Variants in MON1B observed in about 807,000 individuals in gnomAD.
The protein encoded by MON1B is MON1 vesicular trafficking associated B.
Under a neutral mutation model 45.1 loss-of-function variants are expected in MON1B, and 26 were observed. The observed-to-expected ratio is 0.58, with a 90% confidence interval of 0.42 to 0.80. The LOEUF is 0.80. MON1B is among the 30% of genes least tolerant of loss of function. The pLI, the probability that MON1B is intolerant of heterozygous loss-of-function variation, is 0.00. For synonymous variants in MON1B, 395 were observed against 320.2 expected (o/e 1.23, Z -2.49); for missense variants, 737 against 754.5 (o/e 0.98, Z 0.27).
chr16:77,200,291 T>TATATATACACACAC lies in MON1B; in HGVS notation c.*1984_*1985insTATATACACACACA. On this transcript the variant is annotated 3_prime_UTR_variant, in exon 6 of 6. Transcript: ENST00000248248. ...ATATATGTGTATATATATATATATATACACACACTAATCAGCCGGGCGCGG... is the reference window on the plus strand; with the variant it reads ...ATATATGTGTATATATATATATATATATATATACACACACACACACACTAATCAGCCGGGCGCGG... The TATATATACACACAC allele has an allele frequency of 9.0e-6, 1 of 111,430 alleles. No homozygotes were observed. Among genetic ancestry groups the TATATATACACACAC allele is most frequent in the African/African-American group, 3.4e-5 (1 of 29,728 alleles). 6.9% of individuals were successfully genotyped at this position (111,430 alleles called of 1,614,324 possible).
At position 77,202,385 on chromosome 16, in the gene MON1B, A is replaced by G. The variant is rs2054752150; in HGVS notation, c.*4077A>G. ...ACATCTGCAATTGTTTCAAAATAAA[A>G]TGTTTAAAAGGGTGCTCTTACTGTG... On this transcript the variant is annotated 3_prime_UTR_variant, in exon 6 of 6. Coordinates refer to ENST00000248248, the MANE Select transcript of MON1B (RefSeq NM_014940.4). The G allele has an allele frequency of 6.6e-6, 1 of 152,214 alleles. No homozygotes were observed. Among genetic ancestry groups the G allele is most frequent in the Admixed American group, 6.5e-5 (1 of 15,274 alleles). 9.4% of individuals were successfully genotyped at this position (152,214 alleles called of 1,614,324 possible). A position where few individuals can be genotyped will look rare whatever the true frequency, so the allele number is the denominator to read the frequency against.
At chr16:77,197,590 A>G (rs1000767676) in intron 5 of MON1B, among the ~76,000 whole-genome samples, 3 of 152,132 alleles carry the variant, frequency 2.0e-5, no homozygotes, top group East Asian at 3.9e-4. Context: ...AAGCCTGGCT[A>G]TGTTTGAGGA....
Position 77,191,633 on chromosome 16 carries a change from G to C in MON1B, c.148G>C (p.Gly50Arg). Residue 50 changes from glycine to arginine, a missense_variant and splice_region_variant, in exon 2 of 6, where the codon GGA becomes CGA. Coordinates refer to ENST00000248248, the MANE Select transcript of MON1B (RefSeq NM_014940.4). Reference sequence around the variant, plus strand: ...CGAAGACGAGGGCCTGGAGGAAACAGGTATGACTCCACTTAGTGGGGTCTT... The same window carrying C: ...CGAAGACGAGGGCCTGGAGGAAACACGTATGACTCCACTTAGTGGGGTCTT... ...DPEDEGLEET[G>R]SKDKDQPPSP... The C allele has an allele frequency of 6.2e-7, 1 of 1,610,300 alleles. No homozygotes were observed. The highest frequency in any genetic ancestry group is 8.5e-7 in the Non-Finnish European group (1 of 1,178,824).
Position 77,198,324 on chromosome 16 carries a change from G to C in MON1B, c.*16G>C, listed in dbSNP as rs2054688848. Reference sequence around the variant, plus strand: ...TGGACTCTGATAGTTGGAGCTCCCAGACCAGGCAGTGCTGGGAGCAACCAC... The same window carrying C: ...TGGACTCTGATAGTTGGAGCTCCCACACCAGGCAGTGCTGGGAGCAACCAC... On this transcript the variant is annotated 3_prime_UTR_variant, in exon 6 of 6. Coordinates refer to ENST00000248248, the MANE Select transcript of MON1B (RefSeq NM_014940.4). 2 of 1,611,478 alleles carry C rather than the reference G, an allele frequency of 1.2e-6. No individual in the cohort carries two copies. The highest frequency in any genetic ancestry group is 4.5e-5 in the East Asian group (2 of 44,864).
chr16:77,200,477 C>G lies in MON1B; in HGVS notation c.*2169C>G, dbSNP rs981823858. ...AAAAGAAAAAAAATTCTCCCTTGGCCGGGCTTGGTGGCTTATGCCTGTAAT... is the reference window on the plus strand; with the variant it reads ...AAAAGAAAAAAAATTCTCCCTTGGCGGGGCTTGGTGGCTTATGCCTGTAAT... On this transcript the variant is annotated 3_prime_UTR_variant, in exon 6 of 6. Transcript: ENST00000248248. 3 of 150,388 alleles carry G rather than the reference C, an allele frequency of 2.0e-5. No individual in the cohort carries two copies. Among genetic ancestry groups the G allele is most frequent in the African/African-American group, 7.3e-5 (3 of 40,998 alleles). 9.3% of individuals were successfully genotyped at this position (150,388 alleles called of 1,614,324 possible). A position where few individuals can be genotyped will look rare whatever the true frequency, so the allele number is the denominator to read the frequency against.
rs2142505406 is a variant in MON1B at position 77,199,155 on chromosome 16, C to A, written c.*847C>A. 1 of 386,172 alleles carries A rather than the reference C, an allele frequency of 2.6e-6. No homozygotes were observed. The highest frequency in any genetic ancestry group is 4.4e-5 in the East Asian group (1 of 22,766). The allele number at this position is 386,172 out of a possible 1,614,324, so 23.9% of individuals were successfully genotyped here. A position where few individuals can be genotyped will look rare whatever the true frequency, so the allele number is the denominator to read the frequency against. On this transcript the variant is annotated 3_prime_UTR_variant, in exon 6 of 6. Transcript: ENST00000248248. ...TTGACAACCTGCACAAGACAAGCAG[C>A]CTAAAGCAGGAGAGACCTCCCTAGG...
rs1254014728 is a variant in MON1B, at chr16:77,200,274, G to GTGTATA, written c.*1967_*1968insGTATAT. 1 of 113,568 alleles carries GTGTATA rather than the reference G, an allele frequency of 8.8e-6. No individual in the cohort carries two copies. The highest frequency in any genetic ancestry group is 8.7e-5 in the Admixed American group (1 of 11,508). 7.0% of individuals were successfully genotyped at this position (113,568 alleles called of 1,614,324 possible). ...TATATGTGTATATATATATATATGT[G>GTGTATA]TATATATATATATATATACACACAC... On this transcript the variant is annotated 3_prime_UTR_variant, in exon 6 of 6. Transcript: ENST00000248248.
rs372814782 is a variant in MON1B, at chr16:77,194,929, G to T, written c.1070G>T (p.Arg357Leu). The T allele has an allele frequency of 1.9e-6, 3 of 1,613,582 alleles. No individual in the cohort carries two copies. Among genetic ancestry groups the T allele is most frequent in the African/African-American group, 2.7e-5 (2 of 74,946 alleles). Residue 357 changes from arginine (R) to leucine (L), a missense_variant, in exon 4 of 6, where the codon CGT (arginine) becomes CTT (leucine). Coordinates refer to ENST00000248248, the MANE Select transcript of MON1B (RefSeq NM_014940.4). This position sits in a 1 kb window ranked among gnomAD's most constrained non-coding sequence, Gnocchi z 8.1. ...TGCCTGCTGCTGCTTGGCACCCAAC[G>T]TGAAGCCTTCCATGCCATGGCCGCC... ...PVCLLLLGTQREAFHAMAACR... is the reference protein window; with the variant it reads ...PVCLLLLGTQLEAFHAMAACR...
intron 5 of MON1B, among the ~76,000 whole-genome samples, chr16:77,196,445 ATTCT>A (rs1416252795): frequency 2.6e-5 from 4 of 152,194 alleles, no homozygotes; most frequent in African/African-American, 7.2e-5. Context: ...TAACTCCATC[ATTCT>A]TTCTACATTT....
chr16:77,197,311 G>A (rs922678086), intron 5 of MON1B, among the ~76,000 whole-genome samples: 2 of 152,148 alleles, frequency 1.3e-5, no homozygotes, highest in African/African-American at 4.8e-5. Flanking sequence ...CAGGAGAATC[G>A]CTTGAACCTG....
rs2054690380 is a variant in MON1B at position 77,198,439 on chromosome 16, C to A, written c.*131C>A. ...GTCTCCCTAAGCAATGGGGCAAGGT[C>A]TGAGGGCCCACCGATGAGAGAGATG... is the stretch of plus-strand genomic sequence containing the variant. On this transcript the variant is annotated 3_prime_UTR_variant, in exon 6 of 6. Coordinates refer to ENST00000248248, the MANE Select transcript of MON1B (RefSeq NM_014940.4). 4 of 1,014,526 alleles carry A rather than the reference C, an allele frequency of 3.9e-6. No homozygotes were observed. Among genetic ancestry groups the A allele is most frequent in the Admixed American group, 2.4e-5 (1 of 42,434 alleles). 62.8% of individuals were successfully genotyped at this position (1,014,526 alleles called of 1,614,324 possible).
At position 77,193,050 on chromosome 16, in the gene MON1B, G is replaced by C. The variant is rs1219229446; in HGVS notation, c.149-401G>C. On this transcript the variant is annotated intron_variant, in intron 2 of 5. Coordinates refer to ENST00000248248, the MANE Select transcript of MON1B (RefSeq NM_014940.4). The surrounding 1 kb of genome is among the most constrained non-coding windows in gnomAD (Gnocchi z 5.0). The stretch of plus-strand genomic sequence containing the variant: ...GTTAATGGTGGCCATTGGGTGAGCA[G>C]ATATCAGGAGAAAAAATAGCGGTCA... Among the ~76,000 whole-genome samples, 1 of 151,986 alleles carries C rather than the reference G, an allele frequency of 6.6e-6. No individual in the cohort carries two copies. The highest frequency in any genetic ancestry group is 2.4e-5 in the African/African-American group (1 of 41,340).
chr16:77,196,604 C>T (rs2054667716), intron 5 of MON1B, among the ~76,000 whole-genome samples: 1 of 152,046 alleles, frequency 6.6e-6, no homozygotes, highest in South Asian at 2.1e-4. Context: ...GGCAAAACCC[C>T]GTCTCTACTA....
intron 5 of MON1B, among the ~76,000 whole-genome samples, chr16:77,197,862 C>G (rs1462172694): frequency 1.3e-5 from 2 of 152,154 alleles, no homozygotes; most frequent in African/African-American, 2.4e-5. Context: ...TCCCAATGAG[C>G]AAACAGGTCT....
In MON1B at chr16:77,200,260, A is replaced by ATATATATATG. The variant is rs1567422977; in HGVS notation, c.*1961_*1962insGTATATATAT. On this transcript the variant is annotated 3_prime_UTR_variant, in exon 6 of 6. Coordinates refer to ENST00000248248, the MANE Select transcript of MON1B (RefSeq NM_014940.4). ...TATATATATATATGTATATGTGTAT[A>ATATATATATG]TATATATATATGTGTATATATATAT... The ATATATATATG allele has an allele frequency of 9.3e-6, 1 of 107,730 alleles. No homozygotes were observed. Among genetic ancestry groups the ATATATATATG allele is most frequent in the African/African-American group, 3.3e-5 (1 of 30,266 alleles). 6.7% of individuals were successfully genotyped at this position (107,730 alleles called of 1,614,324 possible).
intron 2 of MON1B, among the ~76,000 whole-genome samples, chr16:77,192,922 G>A (rs951365488): frequency 6.6e-6 from 1 of 152,036 alleles, no homozygotes; most frequent in African/African-American, 2.4e-5. Flanking sequence ...GAATATAAAT[G>A]GGCAACCAGG....
intron 2 of MON1B, among the ~76,000 whole-genome samples, chr16:77,192,829 A>C (rs978926944): frequency 1.3e-5 from 2 of 151,978 alleles, no homozygotes; most frequent in Non-Finnish European, 2.9e-5. Flanking sequence ...GTGGGAGTGA[A>C]TAGTGGATTA....
chr16:77,195,393 C>T (rs1414381082), intron 4 of MON1B, 142 bp from the exon 5 acceptor site: 9 of 1,197,604 alleles, frequency 7.5e-6, no homozygotes, highest in Non-Finnish European at 1.0e-5. Flanking sequence ...GAAGGTCAGC[C>T]TCCAACCCCT....
At chr16:77,192,385 G>C (rs901286177) in intron 2 of MON1B, among the ~76,000 whole-genome samples, 2 of 152,194 alleles carry the variant, frequency 1.3e-5, no homozygotes, top group South Asian at 4.1e-4. Context: ...CAATTATTGG[G>C]ATTTTATGGG....
Sources: allele counts gnomAD v4.1 joint callset (sites outside exome capture counted in the v4.1 genomes callset), GRCh38; gene constraint gnomAD v4.1.1; non-coding constraint Gnocchi (gnomAD v3.1); transcripts MANE v1.5; gene names NCBI Gene and HGNC (gene_info 2026-07-23, HGNC 2026-07-21).